The following TNFRSF19 variants were observed in gnomAD, a reference collection of about 807,000 sequenced individuals.
TNFRSF19 encodes tumor necrosis factor receptor superfamily member 19.
TNFRSF19 carries 27 observed loss-of-function variants against 46.4 expected under a neutral mutation model. The observed-to-expected ratio is 0.58, with a 90% CI of 0.43 to 0.80. The LOEUF (loss-of-function observed/expected upper bound fraction) is 0.80. TNFRSF19 is among the 30% of genes least tolerant of loss of function. TNFRSF19 has a pLI of 0.00. For missense variants in TNFRSF19, 511 were observed against 530.8 expected (o/e 0.96, Z 0.37); for synonymous variants, 204 against 205.0 (o/e 1.00, Z 0.04).
chr13:23,633,033 TATG>T (rs1224212670), intron 5 of TNFRSF19, among the ~76,000 whole-genome samples: 2 of 152,092 alleles, frequency 1.3e-5, no homozygotes, highest in Admixed American at 6.5e-5. Context: ...TACCCCTTAG[TATG>T]ATAATTACAG....
At chr13:23,599,830 G>A (rs1172310274) in intron 3 of TNFRSF19, among the ~76,000 whole-genome samples, 5 of 151,748 alleles carry the variant, frequency 3.3e-5, no homozygotes, top group Admixed American at 1.3e-4. Flanking sequence ...CATGTCTGGC[G>A]CCCCCTTTCC....
Position 23,615,978 on chromosome 13 carries a change from G to T in TNFRSF19, c.292G>T (p.Val98Leu), listed in dbSNP as rs1566187086. The T allele has an allele frequency of 6.2e-7, 1 of 1,613,842 alleles. No individual in the cohort carries two copies. Among genetic ancestry groups the T allele is most frequent in the Non-Finnish European group, 8.5e-7 (1 of 1,179,756 alleles). The change falls in exon 4 of 10, where the codon GTG (valine) becomes TTG (leucine). Residue 98 changes from valine (V) to leucine (L), a missense_variant. By Grantham distance (32) the Val-to-Leu change is conservative. Around this residue, in one of 3 missense-constraint regions of TNFRSF19, gnomAD observed 121 missense variants for 124.1 expected, o/e 0.98. Coordinates refer to ENST00000248484, the MANE Select transcript of TNFRSF19 (RefSeq NM_148957.4). ...KCKPCLDCAV[V>L]NRFQKANCSA... The stretch of plus-strand genomic sequence containing the variant: ...CAAGCCCTGTCTGGACTGCGCAGTG[G>T]TGAACCGCTTTCAGAAGGCAAATTG...
At chr13:23,617,406 T>C (rs772870499) in intron 4 of TNFRSF19, among the ~76,000 whole-genome samples, 1 of 152,106 alleles carries the variant, frequency 6.6e-6, no homozygotes, top group African/African-American at 2.4e-5. Context: ...TGCTTCTAAG[T>C]AACTGTGGGA....
intron 5 of TNFRSF19, among the ~76,000 whole-genome samples, chr13:23,637,969 G>A (rs2138327290): frequency 6.6e-6 from 1 of 152,368 alleles, no homozygotes; most frequent in East Asian, 1.9e-4. Context: ...GGAGGGCGGA[G>A]GCCCAAGTTT....
In TNFRSF19 at chr13:23,675,955, G is replaced by A. The variant is rs1951823933; in HGVS notation, c.*2575G>A. The A allele has an allele frequency of 6.6e-6, 1 of 152,116 alleles. No homozygotes were observed. The highest frequency in any genetic ancestry group is 6.5e-5 in the Admixed American group (1 of 15,270). The allele number at this position is 152,116 out of a possible 1,614,324, so 9.4% of individuals were successfully genotyped here. On this transcript the variant is annotated 3_prime_UTR_variant, in exon 10 of 10. Transcript: ENST00000248484. ...AGAAAAAGAAAGGAAAACCATCATT[G>A]CTTTATAGTAGCTTATATCAATTTA...
At chr13:23,609,210 C>A (rs1214338567) in intron 3 of TNFRSF19, among the ~76,000 whole-genome samples, 1 of 152,134 alleles carries the variant, frequency 6.6e-6, no homozygotes, top group East Asian at 1.9e-4. Flanking sequence ...TACAGGATTT[C>A]GATTTTGAAA....
chr13:23,626,523 G>T (rs527667376), intron 4 of TNFRSF19, among the ~76,000 whole-genome samples, 184 bp from the exon 5 acceptor site: 1 of 152,122 alleles, frequency 6.6e-6, no homozygotes, highest in Admixed American at 6.5e-5. Flanking sequence ...ACGTTTAGGG[G>T]AATTGATATT....
At chr13:23,576,174 C>T (rs1290838315) in intron 1 of TNFRSF19, among the ~76,000 whole-genome samples, 1 of 151,592 alleles carries the variant, frequency 6.6e-6, no homozygotes, top group Non-Finnish European at 1.5e-5. Context: ...TGCTCTGTCC[C>T]CCAGGCTGGA....
chr13:23,651,192 G>A (rs1484931543), intron 5 of TNFRSF19, among the ~76,000 whole-genome samples: 4 of 152,140 alleles, frequency 2.6e-5, no homozygotes, highest in African/African-American at 9.7e-5. Context: ...TTTGATTTGG[G>A]CTTTTTGATG....
intron 7 of TNFRSF19, among the ~76,000 whole-genome samples, chr13:23,667,340 T>C (rs1292119708): frequency 6.6e-6 from 1 of 152,194 alleles, no homozygotes; most frequent in Non-Finnish European, 1.5e-5. Flanking sequence ...TGTGTGCACA[T>C]ATCTACTTAT....
chr13:23,580,257 C>T (rs1012901973), intron 1 of TNFRSF19, among the ~76,000 whole-genome samples: 7 of 152,154 alleles, frequency 4.6e-5, no homozygotes, highest in Admixed American at 2.6e-4. Context: ...GTAAGAAACC[C>T]ATGTCATTTG....
intron 4 of TNFRSF19, among the ~76,000 whole-genome samples, chr13:23,623,870 A>G (rs1019574632): frequency 1.3e-5 from 2 of 152,148 alleles, no homozygotes; most frequent in Non-Finnish European, 2.9e-5. Context: ...TATATTATAA[A>G]TATTAACCCT....
Position 23,656,011 on chromosome 13 carries a change from A to G in TNFRSF19, c.446-3039A>G, listed in dbSNP as rs558873861. 8.1e-3 allele frequency among the ~76,000 whole-genome samples: 1,241 copies of G among 152,348 alleles called. 10 individuals carry two copies. The highest frequency in any genetic ancestry group is 0.012 in the Non-Finnish European group (825 of 68,036). ...TTGCTCTGAGTGTTACCATAAACTC[A>G]TACATATAAACAAGAATCAAGAAGG... On this transcript the variant is annotated intron_variant, in intron 5 of 9. Transcript: ENST00000248484.
intron 1 of TNFRSF19, among the ~76,000 whole-genome samples, chr13:23,581,567 C>T (rs1021238638): frequency 6.6e-6 from 1 of 151,948 alleles, no homozygotes; most frequent in African/African-American, 2.4e-5. Flanking sequence ...TGATAATAGG[C>T]TTTTTACATA....
chr13:23,651,654 T>G (rs1430117423), intron 5 of TNFRSF19, among the ~76,000 whole-genome samples: 1 of 152,116 alleles, frequency 6.6e-6, no homozygotes, highest in African/African-American at 2.4e-5. Flanking sequence ...TTATAAGCCA[T>G]ATGTTGTTTT....
chr13:23,582,232 A>C (rs1331332818), intron 1 of TNFRSF19, among the ~76,000 whole-genome samples: 2 of 68,962 alleles, frequency 2.9e-5, no homozygotes, highest in South Asian at 1.0e-3. Context: ...TACAAAAAAA[A>C]AAAAAAAAAA....
intron 5 of TNFRSF19, among the ~76,000 whole-genome samples, chr13:23,631,701 G>A (rs1882373284): frequency 6.6e-6 from 1 of 152,174 alleles, no homozygotes; most frequent in African/African-American, 2.4e-5. Flanking sequence ...AAATAAATTG[G>A]GAGCATTTTG....
At chr13:23,584,181 C>G (rs564652513) in intron 1 of TNFRSF19, among the ~76,000 whole-genome samples, 7 of 152,166 alleles carry the variant, frequency 4.6e-5, no homozygotes, top group African/African-American at 1.7e-4. Flanking sequence ...ATCCCCTGAG[C>G]AGTATACACT....
At chr13:23,598,106 G>A (rs1275600597) in intron 3 of TNFRSF19, among the ~76,000 whole-genome samples, 3 of 152,138 alleles carry the variant, frequency 2.0e-5, no homozygotes, top group African/African-American at 7.2e-5. Flanking sequence ...GAAATAATAA[G>A]AGCTATTTAT....
Sources: allele counts gnomAD v4.1 joint callset (sites outside exome capture counted in the v4.1 genomes callset), GRCh38; gene constraint gnomAD v4.1.1; regional missense constraint gnomAD v4.1.1; transcripts MANE v1.5; gene names NCBI Gene and HGNC (gene_info 2026-07-23, HGNC 2026-07-21).